Variants in ATP6V1A observed in about 807,000 individuals in gnomAD.
ATP6V1A encodes ATPase H+ transporting V1 subunit A.
A neutral mutation model predicts 70.1 loss-of-function variants in ATP6V1A; 18 were observed. The observed-to-expected ratio is 0.26, with a 90% CI of 0.18 to 0.38. The LOEUF (loss-of-function observed/expected upper bound fraction) is 0.38. Among genes scored for constraint, ATP6V1A ranks in the 10% least tolerant of loss-of-function variants. ATP6V1A has a pLI of 1.00. For missense variants in ATP6V1A, 424 were observed against 772.4 expected, an observed-to-expected ratio of 0.55 and a Z score of 5.35; for synonymous variants, 232 against 253.8, an observed-to-expected ratio of 0.91 and a Z score of 0.82.
At chr3:113,750,444 T>C (rs1034284043) in intron 1 of ATP6V1A, among the ~76,000 whole-genome samples, 2 of 152,096 alleles carry the variant, frequency 1.3e-5, no homozygotes, top group Admixed American at 1.3e-4. Context: ...ATCACACCAC[T>C]GCGCTCCAGC....
At chr3:113,753,188 A>G (rs1215519827) in intron 1 of ATP6V1A, among the ~76,000 whole-genome samples, 2 of 152,230 alleles carry the variant, frequency 1.3e-5, no homozygotes, top group Non-Finnish European at 2.9e-5. Context: ...AGAGAAATCC[A>G]AACATTCAAC....
At chr3:113,772,933 CTTTTT>C (rs762901487) in intron 1 of ATP6V1A, among the ~76,000 whole-genome samples, 175 of 90,422 alleles carry the variant, frequency 1.9e-3, no homozygotes, top group Non-Finnish European at 2.4e-3. Flanking sequence ...TTAATATTGG[CTTTTT>C]TTTTTTTTTT....
chr3:113,802,024 G>C (rs1445994680), intron 12 of ATP6V1A, among the ~76,000 whole-genome samples: 3 of 151,800 alleles, frequency 2.0e-5, no homozygotes, highest in African/African-American at 7.3e-5. Context: ...ACCTGTTAGT[G>C]ATCCTGGCAA....
At chr3:113,808,997 C>A (rs1709310051) in intron 14 of ATP6V1A, among the ~76,000 whole-genome samples, 1 of 152,080 alleles carries the variant, frequency 6.6e-6, no homozygotes, top group Non-Finnish European at 1.5e-5. Flanking sequence ...CGCCTGTAAT[C>A]CCAGCACTTT....
At chr3:113,763,262 T>G (rs191164734) in intron 1 of ATP6V1A, among the ~76,000 whole-genome samples, 10 of 152,302 alleles carry the variant, frequency 6.6e-5, no homozygotes, top group African/African-American at 2.4e-4. Flanking sequence ...TAATTTTTTG[T>G]ATTTTTAGTA....
chr3:113,792,098 G>A (rs1008291565), intron 8 of ATP6V1A, among the ~76,000 whole-genome samples: 19 of 152,056 alleles, frequency 1.2e-4, no homozygotes, highest in African/African-American at 4.3e-4. Context: ...CTTGTTTGGA[G>A]GTAAGTTTTA....
In ATP6V1A at chr3:113,749,661, A is replaced by G. The variant is rs536077377; in HGVS notation, c.-14+2548A>G. Among the ~76,000 whole-genome samples, 14 of 152,306 alleles carry G rather than the reference A, an allele frequency of 9.2e-5. 2 individuals carry two copies. Among genetic ancestry groups the G allele is most frequent in the African/African-American group, 3.4e-4 (14 of 41,560 alleles). On this transcript the variant is annotated intron_variant, in intron 1 of 14. Transcript: ENST00000273398. The stretch of plus-strand genomic sequence containing the variant: ...TCCCTGGGCTCTTCCTCAGCAAATC[A>G]TAAAGCTCTCAGGACTGTGAACTAT...
At chr3:113,762,836 T>G (rs1193527869) in intron 1 of ATP6V1A, among the ~76,000 whole-genome samples, 2 of 152,160 alleles carry the variant, frequency 1.3e-5, no homozygotes, top group African/African-American at 4.8e-5. Context: ...TATTGGATTT[T>G]AAAGGTTTTT....
At chr3:113,808,347 A>G (rs1709303044) in intron 14 of ATP6V1A, among the ~76,000 whole-genome samples, 1 of 125,538 alleles carries the variant, frequency 8.0e-6, no homozygotes, top group African/African-American at 3.0e-5. Context: ...GCTGGAGTGC[A>G]GTGACGCGAT....
In ATP6V1A at chr3:113,778,770, T is replaced by A. The variant is rs1269786889; in HGVS notation, c.17T>A (p.Leu6Gln). The A allele has an allele frequency of 6.3e-7, 1 of 1,589,658 alleles. No homozygotes were observed. Among genetic ancestry groups the A allele is most frequent in the East Asian group, 2.3e-5 (1 of 43,696 alleles). ...ACTAACATTATGGATTTTTCCAAGC[T>A]ACCCAAAATACTCGATGAAGATAAA... is the stretch of plus-strand genomic sequence containing the variant. MDFSK[L>Q]PKILDEDKES... is the part of the protein sequence containing the mutation. The change falls in exon 2 of 15, where the codon CTA becomes CAA. Residue 6 changes from leucine (L) to glutamine (Q), a missense_variant. Around this residue, in one of 9 missense-constraint regions of ATP6V1A, gnomAD observed 21 missense variants for 20.4 expected, o/e 1.03. Transcript: ENST00000273398.
At chr3:113,755,461 C>T (rs1306978860) in intron 1 of ATP6V1A, among the ~76,000 whole-genome samples, 2 of 150,270 alleles carry the variant, frequency 1.3e-5, no homozygotes, top group Non-Finnish European at 3.0e-5. Flanking sequence ...ATTAGCCAGG[C>T]GTGGTGGCAC....
At chr3:113,774,439 A>G (rs1708885680) in intron 1 of ATP6V1A, among the ~76,000 whole-genome samples, 1 of 152,250 alleles carries the variant, frequency 6.6e-6, no homozygotes, top group Non-Finnish European at 1.5e-5. Flanking sequence ...ACTGAGGCTC[A>G]AAAGGATGAA....
chr3:113,762,454 G>T (rs898167959), intron 1 of ATP6V1A, among the ~76,000 whole-genome samples: 3 of 152,036 alleles, frequency 2.0e-5, no homozygotes, highest in Non-Finnish European at 4.4e-5. Context: ...TGTAATCCCA[G>T]CTACTCGGGA....
chr3:113,750,423 A>C (rs952832683), intron 1 of ATP6V1A, among the ~76,000 whole-genome samples: 5 of 152,208 alleles, frequency 3.3e-5, no homozygotes, highest in African/African-American at 1.2e-4. Context: ...TGGAGGTTGC[A>C]GTGAGCCAAG....
chr3:113,768,181 T>G (rs1708795075), intron 1 of ATP6V1A, among the ~76,000 whole-genome samples: 1 of 152,200 alleles, frequency 6.6e-6, no homozygotes, highest in Non-Finnish European at 1.5e-5. Context: ...AAGTTTTTCC[T>G]GATTGTTAGT....
chr3:113,756,440 G>A (rs935016816), intron 1 of ATP6V1A, among the ~76,000 whole-genome samples: 3 of 151,850 alleles, frequency 2.0e-5, no homozygotes, highest in Non-Finnish European at 2.9e-5. Context: ...TCCAATTTAG[G>A]GATGTTCAGA....
intron 1 of ATP6V1A, among the ~76,000 whole-genome samples, chr3:113,769,952 C>T (rs1252653368): frequency 6.6e-6 from 1 of 152,188 alleles, no homozygotes; most frequent in Non-Finnish European, 1.5e-5. Context: ...TTTATATAAT[C>T]ATTGATTTGA....
rs759887224 is a variant in ATP6V1A, at chr3:113,795,934, G to A, written c.1285G>A (p.Val429Ile). The change falls in exon 11 of 15, where the codon GTT becomes ATT. Residue 429 changes from valine (V) to isoleucine (I), a missense_variant. Around this residue, in one of 9 missense-constraint regions of ATP6V1A, gnomAD observed 58 missense variants for 181.5 expected, o/e 0.32. Coordinates refer to ENST00000273398, the MANE Select transcript of ATP6V1A (RefSeq NM_001690.4). ...AGTTACATCTGCCACTCTTGGTATC[G>A]TTCAGGTATGTCTTTCCCTAGTATA... ...DPVTSATLGIVQVFWGLDKKL... is the reference protein window; with the variant it reads ...DPVTSATLGIIQVFWGLDKKL... 6.2e-6 allele frequency: 10 copies of A among 1,608,370 alleles called. No individual in the cohort carries two copies. Among genetic ancestry groups the A allele is most frequent in the African/African-American group, 5.4e-5 (4 of 74,688 alleles).
chr3:113,809,495 T>C lies in ATP6V1A; in HGVS notation c.*68T>C. The C allele has an allele frequency of 7.1e-7, 1 of 1,410,140 alleles. No homozygotes were observed. The highest frequency in any genetic ancestry group is 9.9e-7 in the Non-Finnish European group (1 of 1,012,410). The allele number at this position is 1,410,140 out of a possible 1,614,324, so 87.4% of individuals were successfully genotyped here. A position where few individuals can be genotyped will look rare whatever the true frequency, so the allele number is the denominator to read the frequency against. On this transcript the variant is annotated 3_prime_UTR_variant, in exon 15 of 15. Transcript: ENST00000273398. ...GCTCCTATGTGTATATTTTCCTGAA[T>C]TTCTCATCTCAAACCCTTTGCTTCT...
Sources: allele counts gnomAD v4.1 joint callset (sites outside exome capture counted in the v4.1 genomes callset), GRCh38; gene constraint gnomAD v4.1.1; regional missense constraint gnomAD v4.1.1; transcripts MANE v1.5; gene names NCBI Gene and HGNC (gene_info 2026-07-23, HGNC 2026-07-21).